The following DMD variants were observed in gnomAD, a reference collection of about 807,000 sequenced individuals.
The protein encoded by DMD is dystrophin, also known as mutant dystrophin.
Under a neutral mutation model 330.1 loss-of-function variants are expected in DMD, and 63 were observed. That is an observed-to-expected ratio of 0.19 (90% CI 0.16 to 0.24). DMD has a LOEUF of 0.24. DMD is among the 10% of genes least tolerant of loss of function. The pLI, the probability that DMD is intolerant of heterozygous loss-of-function variation, is 1.00. For missense variants in DMD, 3,344 were observed against 2,684.1 expected (o/e 1.25, Z -5.43); for synonymous variants, 1,223 against 959.8 (o/e 1.27, Z -5.07).
intron 1 of DMD, among the ~76,000 whole-genome samples, chrX:33,301,092 G>A (rs773135223): frequency 9.0e-6 from 1 of 111,594 alleles, no homozygotes; most frequent in South Asian, 3.8e-4. Flanking sequence ...TATGCTAGAA[G>A]TAGAAAAGCA....
At chrX:33,285,608 T>C (rs1386181573) in intron 1 of DMD, among the ~76,000 whole-genome samples, 1 of 111,908 alleles carries the variant, frequency 8.9e-6, no homozygotes, top group African/African-American at 3.2e-5. Flanking sequence ...ACTATCACCC[T>C]CCAGTCAAAC....
intron 76 of DMD, among the ~76,000 whole-genome samples, chrX:31,145,228 A>G (rs1238307868): frequency 8.9e-6 from 1 of 111,739 alleles, no homozygotes; most frequent in African/African-American, 3.3e-5. Context: ...AAATTACCCA[A>G]TGCATTTATA....
intron 62 of DMD, among the ~76,000 whole-genome samples, chrX:31,301,657 C>G (rs1444196713): frequency 8.9e-6 from 1 of 112,435 alleles, no homozygotes; most frequent in Non-Finnish European, 1.9e-5. Flanking sequence ...GACACAGAAC[C>G]AAACCATATC....
Position 31,678,356 on chromosome X carries a change from C to T in DMD, c.7872+1019G>A, listed in dbSNP as rs777627855. Among the ~76,000 whole-genome samples the T allele has an allele frequency of 1.1e-4, 12 of 111,749 alleles. No individual in the cohort carries two copies. The South Asian group carries it at 4.5e-3, about 42-fold the overall frequency. ...TTGATCAAGTGCCCAATCTGATCAACCTCCTACCATGTTACTTCCCTGCTC... is the reference window on the plus strand; with the variant it reads ...TTGATCAAGTGCCCAATCTGATCAATCTCCTACCATGTTACTTCCCTGCTC... On this transcript the variant is annotated intron_variant, in intron 53 of 78. Transcript: ENST00000357033.
intron 7 of DMD, among the ~76,000 whole-genome samples, chrX:32,749,230 C>G (rs2070477431): frequency 8.9e-6 from 1 of 112,116 alleles, no homozygotes; most frequent in Admixed American, 9.5e-5. Flanking sequence ...AAACTAATGT[C>G]CAACATCTTG....
chrX:31,913,751 A>C, intron 47 of DMD, among the ~76,000 whole-genome samples: 1 of 111,411 alleles, frequency 9.0e-6, no homozygotes, highest in South Asian at 3.7e-4. Context: ...AAACAAAACA[A>C]AACAAAACAA....
At chrX:33,216,001 A>G (rs1025688999), upstream of DMD, among the ~76,000 whole-genome samples, 2 of 111,649 alleles carry the variant, frequency 1.8e-5, no homozygotes, top group African/African-American at 3.3e-5. Flanking sequence ...CTTTGGCTCT[A>G]TGGGCTCTTT....
Position 32,113,734 on chromosome X carries a change from T to A in DMD, c.6438+103182A>T, listed in dbSNP as rs981096216. Reference sequence around the variant, plus strand: ...AAGCAACTCCTGACGATTCTAGGAATTTATTGTCCAATTTTAATTTCCTGA... The same window carrying A: ...AAGCAACTCCTGACGATTCTAGGAAATTATTGTCCAATTTTAATTTCCTGA... On this transcript the variant is annotated intron_variant, in intron 44 of 78. Transcript: ENST00000357033. Among the ~76,000 whole-genome samples, 11 of 111,924 alleles carry A rather than the reference T, an allele frequency of 9.8e-5. No homozygotes were observed. In the East Asian group the frequency reaches 1.1e-3, roughly 11 times the overall value.
intron 54 of DMD, among the ~76,000 whole-genome samples, chrX:31,651,786 C>A (rs1042710105): frequency 9.0e-6 from 1 of 111,468 alleles, no homozygotes; most frequent in African/African-American, 3.3e-5. Flanking sequence ...TCACCACATT[C>A]ACCTCTCCCA....
intron 47 of DMD, among the ~76,000 whole-genome samples, chrX:31,928,614 A>G (rs1434351002): frequency 9.4e-6 from 1 of 106,352 alleles, no homozygotes; most frequent in East Asian, 2.9e-4. Flanking sequence ...TCCAAAAAAG[A>G]AAAAAAAAAA....
chrX:32,189,952 C>T (rs901825113), intron 44 of DMD, among the ~76,000 whole-genome samples: 1 of 110,925 alleles, frequency 9.0e-6, no homozygotes, highest in Non-Finnish European at 1.9e-5. Flanking sequence ...CATATGTATA[C>T]ATGTGTAATA....
intron 9 of DMD, among the ~76,000 whole-genome samples, chrX:32,666,560 G>T (rs1350574745): frequency 1.8e-5 from 2 of 111,114 alleles, no homozygotes; most frequent in Non-Finnish European, 3.8e-5. Flanking sequence ...TGGTCGCATA[G>T]TATTCCATGT....
chrX:33,066,280 C>T (rs1041885223), intron 1 of DMD, among the ~76,000 whole-genome samples: 4 of 106,495 alleles, frequency 3.8e-5, no homozygotes, highest in Admixed American at 1.0e-4. Context: ...GATGAAACCG[C>T]GTCTCTACTA....
intron 1 of DMD, among the ~76,000 whole-genome samples, chrX:33,069,643 G>A (rs1425363452): frequency 2.7e-5 from 3 of 111,542 alleles, no homozygotes; most frequent in East Asian, 2.8e-4. Context: ...AGCAATAAAC[G>A]AAGTCCATTT....
rs185470692 is a variant in DMD, at chrX:33,012,823, G to T, written c.93+7316C>A. Among the ~76,000 whole-genome samples, 4 of 111,085 alleles carry T rather than the reference G, an allele frequency of 3.6e-5. No individual in the cohort carries two copies. In the East Asian group the frequency reaches 1.1e-3, roughly 32 times the overall value. On this transcript the variant is annotated intron_variant, in intron 2 of 78. Coordinates refer to ENST00000357033, the MANE Select transcript of DMD (RefSeq NM_004006.3). ...GGTTAGGTATATTAAAGGCATTTTT[G>T]ACTTGTGATATTTTCAACTTATGAT...
intron 15 of DMD, among the ~76,000 whole-genome samples, chrX:32,569,436 C>T (rs1374158422): frequency 1.8e-5 from 2 of 111,763 alleles, no homozygotes; most frequent in African/African-American, 3.3e-5. Context: ...CAGAGGTTCT[C>T]ATCTTGAAAG....
chrX:31,496,298 G>A (rs2069841727), intron 57 of DMD, among the ~76,000 whole-genome samples: 1 of 112,334 alleles, frequency 8.9e-6, no homozygotes, highest in Non-Finnish European at 1.9e-5. Flanking sequence ...TATTTGATAT[G>A]ATGAAATTAT....
chrX:32,701,634 C>A (rs933372059), intron 7 of DMD, among the ~76,000 whole-genome samples: 6 of 111,320 alleles, frequency 5.4e-5, no homozygotes, highest in Middle Eastern at 4.6e-3. Context: ...ATTAGCATAA[C>A]TTAGAGCTCT....
At chrX:32,027,183 C>CACACAGAGAG (rs774715155) in intron 44 of DMD, among the ~76,000 whole-genome samples, 60 of 97,522 alleles carry the variant, frequency 6.2e-4, no homozygotes, top group East Asian at 2.1e-3. Context: ...CACACACACA[C>CACACAGAGAG]AGAGAGAGAG....
Sources: gnomAD v4.1 joint callset for allele counts (sites outside exome capture counted in the v4.1 genomes callset) on GRCh38, gnomAD v4.1.1 for gene constraint, MANE v1.5 for transcripts, NCBI Gene and HGNC (gene_info 2026-07-23, HGNC 2026-07-21) for gene names.